The following FRMD6 variants were observed in gnomAD, a reference collection of about 807,000 sequenced individuals.
FRMD6 encodes the protein FERM domain-containing protein 6.
In FRMD6, 37 loss-of-function variants were observed where a neutral mutation model predicts 73.2. That is an observed-to-expected ratio of 0.51 (90% confidence interval 0.39 to 0.66). FRMD6 has a LOEUF of 0.66. Ranked by LOEUF, FRMD6 falls within the 30% of genes least tolerant of loss-of-function variation. The probability of loss-of-function intolerance (pLI) is 0.00; values close to 1 mark genes in which losing one functional copy is unlikely to be tolerated. For synonymous variants in FRMD6, 273 were observed against 282.2 expected, an observed-to-expected ratio of 0.97 and a Z score of 0.33; for missense variants, 714 against 780.5, an observed-to-expected ratio of 0.91 and a Z score of 1.02.
chr14:51,582,640 A>G (rs1156707769), intron 2 of FRMD6, among the ~76,000 whole-genome samples: 1 of 152,212 alleles, frequency 6.6e-6, no homozygotes, highest in Non-Finnish European at 1.5e-5. Context: ...TCTGAGAAAC[A>G]TAATGGTCAT....
chr14:51,588,260 G>GT (rs1160594006), intron 2 of FRMD6, among the ~76,000 whole-genome samples: 9 of 151,336 alleles, frequency 5.9e-5, no homozygotes, highest in Admixed American at 5.3e-4. Flanking sequence ...GTTAATCTTT[G>GT]TTTTTTGGTT....
At chr14:51,670,329 C>T (rs1594700809) in intron 1 of FRMD6, among the ~76,000 whole-genome samples, 1 of 152,276 alleles carries the variant, frequency 6.6e-6, no homozygotes, top group East Asian at 1.9e-4. Flanking sequence ...CTTAGTCTCC[C>T]AGAGTGCTGA....
the FRMD6 span, chr14:51,436,621 A>T: frequency 2.9e-5 from 16 of 551,712 alleles, no homozygotes; most frequent in South Asian, 2.9e-4. Context: ...AAGAAGCAGC[A>T]TGCGGAACTA....
chr14:51,530,267 C>T (rs893573325), intron 1 of FRMD6, among the ~76,000 whole-genome samples: 3 of 152,152 alleles, frequency 2.0e-5, no homozygotes, highest in African/African-American at 7.2e-5. Flanking sequence ...CTTCCCAGCT[C>T]CACTCTCCGT....
At chr14:51,452,150 A>T in the FRMD6 span, among the ~76,000 whole-genome samples, 1 of 152,246 alleles carries the variant, frequency 6.6e-6, no homozygotes, top group African/African-American at 2.4e-5. Context: ...CTGGCAAGAG[A>T]TGATCAGAGC....
intron 2 of FRMD6, among the ~76,000 whole-genome samples, chr14:51,641,111 T>C (rs1370347694): frequency 3.3e-5 from 5 of 152,064 alleles, no homozygotes; most frequent in Non-Finnish European, 1.5e-5. Flanking sequence ...GCTGGGATTA[T>C]AGGCGATGCC....
At chr14:51,468,079 A>G in the FRMD6 span, among the ~76,000 whole-genome samples, 1 of 152,144 alleles carries the variant, frequency 6.6e-6, no homozygotes, top group South Asian at 2.1e-4. Flanking sequence ...ACTCGCGGTC[A>G]GGAGCTGGAG....
At chr14:51,656,436 C>T (rs2145450) in intron 1 of FRMD6, among the ~76,000 whole-genome samples, 45,185 of 147,524 alleles carry the variant, frequency 0.31, 7,035 homozygotes, top group African/African-American at 0.33. Flanking sequence ...TTTTCTGAGG[C>T]GGAGTCTCGC....
chr14:51,458,696 G>T, the FRMD6 span, among the ~76,000 whole-genome samples: 2 of 152,214 alleles, frequency 1.3e-5, no homozygotes, highest in Admixed American at 6.5e-5. Context: ...GATTATTTTG[G>T]TTGGACTGGT....
At chr14:51,527,073 T>C (rs1219083280) in intron 1 of FRMD6, among the ~76,000 whole-genome samples, 1 of 152,262 alleles carries the variant, frequency 6.6e-6, no homozygotes, top group Admixed American at 6.5e-5. Context: ...GTACACACAT[T>C]ACTGTGCTTC....
the FRMD6 span, among the ~76,000 whole-genome samples, chr14:51,434,949 T>C: frequency 6.6e-6 from 1 of 152,318 alleles, no homozygotes; most frequent in Non-Finnish European, 1.5e-5. Flanking sequence ...TTTTTCAAAA[T>C]AACTGGCTAG....
chr14:51,682,831 A>G lies in FRMD6; in HGVS notation c.-146-6860A>G, dbSNP rs112483550. Among the ~76,000 whole-genome samples, 6 of 152,290 alleles carry G rather than the reference A, an allele frequency of 3.9e-5. 2 individuals are homozygous for G. Among genetic ancestry groups the G allele is most frequent in the African/African-American group, 1.4e-4 (6 of 41,560 alleles). On this transcript the variant is annotated intron_variant, in intron 1 of 13. Transcript: ENST00000344768. ...GTTTTGCTTGGGTTACATGTTCAGC[A>G]TTTAGACCAAGCACTGTGGTTGGAG...
chr14:51,547,022 C>A (rs17585587), intron 1 of FRMD6, among the ~76,000 whole-genome samples: 1 of 151,626 alleles, frequency 6.6e-6, no homozygotes, highest in East Asian at 1.9e-4. Flanking sequence ...AATTAGAGCC[C>A]CATGGTACAA....
the FRMD6 span, among the ~76,000 whole-genome samples, chr14:51,410,242 A>T: frequency 6.6e-6 from 1 of 152,228 alleles, no homozygotes; most frequent in Non-Finnish European, 1.5e-5. Flanking sequence ...GTCCCTGACC[A>T]CTACAGTGTG....
rs1483816790 is a variant in FRMD6, at chr14:51,591,463, A to C, written c.-147+21053A>C. 2.6e-5 allele frequency among the ~76,000 whole-genome samples: 4 copies of C among 152,348 alleles called. No homozygotes were observed. The East Asian group carries it at 7.7e-4, about 29-fold the overall frequency. On this transcript the variant is annotated intron_variant, in intron 2 of 14. Transcript: ENST00000356218. ...ATGAAAGATAGACCAGCATTATTCA[A>C]ACTATTTCTGATAAGTTTTTTACAA... is the stretch of plus-strand genomic sequence containing the variant.
the FRMD6 span, among the ~76,000 whole-genome samples, chr14:51,475,958 T>C: frequency 6.6e-6 from 1 of 152,070 alleles, no homozygotes; most frequent in Non-Finnish European, 1.5e-5. Flanking sequence ...CAGCTGGTAC[T>C]GAAACATAAT....
intron 2 of FRMD6, among the ~76,000 whole-genome samples, chr14:51,570,710 G>A (rs560859102): frequency 6.6e-6 from 1 of 152,312 alleles, no homozygotes; most frequent in African/African-American, 2.4e-5. Context: ...ACAGTTCTGA[G>A]AACCAGTTTT....
At chr14:51,603,649 C>T (rs1332191628) in intron 2 of FRMD6, among the ~76,000 whole-genome samples, 2 of 152,098 alleles carry the variant, frequency 1.3e-5, no homozygotes, top group East Asian at 3.9e-4. Context: ...GGAGCAAGGG[C>T]CTTGGCATCA....
In FRMD6 at chr14:51,728,100, C is replaced by T; in HGVS notation, c.*71C>T. The T allele has an allele frequency of 7.2e-7, 1 of 1,392,766 alleles. No homozygotes were observed. Among genetic ancestry groups the T allele is most frequent in the African/African-American group, 1.4e-5 (1 of 69,962 alleles). The allele number at this position is 1,392,766 out of a possible 1,614,324, so 86.3% of individuals were successfully genotyped here. A position where few individuals can be genotyped will look rare whatever the true frequency, so the allele number is the denominator to read the frequency against. ...GGATGCGAAAGTCATAAGTTCTTTA[C>T]ATATTACTTGTGCCATATCTTCTTC... On this transcript the variant is annotated 3_prime_UTR_variant, in exon 14 of 14. Transcript: ENST00000344768.
Sources: allele counts gnomAD v4.1 joint callset (sites outside exome capture counted in the v4.1 genomes callset), GRCh38; gene constraint gnomAD v4.1.1; transcripts MANE v1.5; gene names NCBI Gene and HGNC (gene_info 2026-07-23, HGNC 2026-07-21).